The following PTPRN2 variants were observed in gnomAD, a reference collection of about 807,000 sequenced individuals.
The protein encoded by PTPRN2 is protein tyrosine phosphatase receptor type N2, also known as receptor-type tyrosine-protein phosphatase N2.
In PTPRN2, 74 loss-of-function variants were observed where a neutral mutation model predicts 118.8. The observed-to-expected ratio is 0.62, with a 90% CI of 0.52 to 0.76. The LOEUF is 0.76. PTPRN2 is among the 30% of genes least tolerant of loss of function. The probability of loss-of-function intolerance (pLI) is 0.00; values close to 1 mark genes in which losing one functional copy is unlikely to be tolerated. For missense variants in PTPRN2, 1,481 were observed against 1,394.4 expected (o/e 1.06, Z -0.99); for synonymous variants, 641 against 608.0 (o/e 1.05, Z -0.80).
At chr7:158,000,662 C>T (rs1172205104) in intron 11 of PTPRN2, among the ~76,000 whole-genome samples, 2 of 81,536 alleles carry the variant, frequency 2.5e-5, no homozygotes, top group Non-Finnish European at 4.7e-5. Flanking sequence ...GGGCTGGTGT[C>T]CGGCCGCAGG....
At chr7:157,921,391 A>G (rs1798684487) in intron 11 of PTPRN2, among the ~76,000 whole-genome samples, 1 of 152,246 alleles carries the variant, frequency 6.6e-6, no homozygotes, top group Non-Finnish European at 1.5e-5. Flanking sequence ...GTTTGATGCT[A>G]TGATGATGGA....
At chr7:157,997,832 A>AGGAGTGCAGGGGAGT (rs1563313446) in intron 11 of PTPRN2, among the ~76,000 whole-genome samples, 1 of 40,710 alleles carries the variant, frequency 2.5e-5, no homozygotes, top group African/African-American at 7.0e-5. Context: ...TGCACGGGAG[A>AGGAGTGCAGGGGAGT]GGAGTGCAGG....
intron 1 of PTPRN2, among the ~76,000 whole-genome samples, chr7:158,579,264 A>G (rs1828506446): frequency 6.6e-6 from 1 of 152,268 alleles, no homozygotes. Flanking sequence ...TGCTTTTGCA[A>G]TAATCTCTAT....
intron 1 of PTPRN2, among the ~76,000 whole-genome samples, chr7:158,501,819 G>T (rs1035639621): frequency 6.6e-6 from 1 of 152,124 alleles, no homozygotes; most frequent in Non-Finnish European, 1.5e-5. Flanking sequence ...TTTCATTATC[G>T]ATCTACTTAG....
intron 9 of PTPRN2, among the ~76,000 whole-genome samples, chr7:158,116,362 T>C (rs1266762114): frequency 6.6e-6 from 1 of 152,238 alleles, no homozygotes; most frequent in Non-Finnish European, 1.5e-5. Flanking sequence ...ATCTGTCTGA[T>C]GTAACTGATC....
chr7:158,569,337 C>T (rs1827837274), intron 1 of PTPRN2, among the ~76,000 whole-genome samples: 1 of 152,238 alleles, frequency 6.6e-6, no homozygotes, highest in Non-Finnish European at 1.5e-5. Flanking sequence ...GGACTTAATT[C>T]CCAGAACTCA....
chr7:158,502,110 G>A (rs184968405), intron 1 of PTPRN2, among the ~76,000 whole-genome samples: 82 of 152,308 alleles, frequency 5.4e-4, no homozygotes, highest in African/African-American at 1.7e-3. Flanking sequence ...AGAAAAGTGA[G>A]AGAAATTGAT....
At position 158,174,998 on chromosome 7, in the gene PTPRN2, G is replaced by A. The variant is rs533878124; in HGVS notation, c.550-7707C>T. 3.0e-4 allele frequency among the ~76,000 whole-genome samples: 46 copies of A among 152,288 alleles called. No individual in the cohort carries two copies. In the South Asian group the frequency reaches 8.5e-3, roughly 28 times the overall value. ...CCCAGTCCCAAAGGCACAATTATGA[G>A]TTCAGGCTGACAGGAAGGCCTGGAG... On this transcript the variant is annotated intron_variant, in intron 5 of 22. Coordinates refer to ENST00000389418, the MANE Select transcript of PTPRN2 (RefSeq NM_002847.5).
At chr7:157,841,858 C>T (rs1384470169) in intron 12 of PTPRN2, among the ~76,000 whole-genome samples, 4 of 152,172 alleles carry the variant, frequency 2.6e-5, no homozygotes, top group Non-Finnish European at 5.9e-5. Context: ...GCTTTCCTTC[C>T]TGCGGGCCTG....
chr7:158,218,273 T>C (rs1417401015), intron 3 of PTPRN2, among the ~76,000 whole-genome samples: 1 of 152,078 alleles, frequency 6.6e-6, no homozygotes, highest in Non-Finnish European at 1.5e-5. Flanking sequence ...CAGAAGAGAC[T>C]GGGGGCCCTA....
chr7:157,580,184 T>C (rs1369350432), intron 17 of PTPRN2, among the ~76,000 whole-genome samples: 2 of 152,182 alleles, frequency 1.3e-5, no homozygotes, highest in Non-Finnish European at 2.9e-5. Context: ...CTCATTTGGA[T>C]ACAGGATTTT....
chr7:158,468,085 C>G (rs781301361), intron 2 of PTPRN2, among the ~76,000 whole-genome samples: 1 of 152,182 alleles, frequency 6.6e-6, no homozygotes, highest in East Asian at 1.9e-4. Flanking sequence ...TTTTTACAGT[C>G]TTCCTACATC....
chr7:157,913,442 G>A (rs1361749665), intron 11 of PTPRN2, among the ~76,000 whole-genome samples: 5 of 152,162 alleles, frequency 3.3e-5, no homozygotes, highest in African/African-American at 7.2e-5. Flanking sequence ...TCCTACAAAT[G>A]CTTGTAAGGG....
intron 2 of PTPRN2, among the ~76,000 whole-genome samples, chr7:158,373,424 C>T (rs60707273): frequency 0.07 from 10,704 of 152,256 alleles, 452 homozygotes; most frequent in East Asian, 0.19. Flanking sequence ...TTATCTTCAG[C>T]AAGTACAGTT....
intron 3 of PTPRN2, among the ~76,000 whole-genome samples, chr7:158,219,213 C>G (rs1315598071): frequency 1.3e-5 from 2 of 152,182 alleles, no homozygotes; most frequent in South Asian, 2.1e-4. Flanking sequence ...ATCATACCAA[C>G]CACTCTCTTG....
intron 2 of PTPRN2, among the ~76,000 whole-genome samples, chr7:158,463,449 T>TGTTGTCATTA (rs1348078857): frequency 6.6e-6 from 1 of 151,942 alleles, no homozygotes; most frequent in Non-Finnish European, 1.5e-5. Context: ...ATCACCATCA[T>TGTTGTCATTA]GTTGTCATTA....
At chr7:157,775,280 A>G (rs2151035184) in intron 12 of PTPRN2, among the ~76,000 whole-genome samples, 1 of 152,024 alleles carries the variant, frequency 6.6e-6, no homozygotes, top group South Asian at 2.1e-4. Context: ...CTTTAGAGGG[A>G]CAGAAATCCA....
intron 12 of PTPRN2, 102 bp downstream of exon 12, chr7:157,898,571 G>A (rs944535067): frequency 8.2e-7 from 1 of 1,213,656 alleles, no homozygotes. Flanking sequence ...CAGGACCTTG[G>A]CTGAATTAAC....
intron 11 of PTPRN2, among the ~76,000 whole-genome samples, chr7:158,079,256 G>C (rs1263657943): frequency 6.6e-6 from 1 of 152,194 alleles, no homozygotes; most frequent in East Asian, 1.9e-4. Flanking sequence ...CAAGAAGCAA[G>C]AAACATTCTG....
Sources: gnomAD v4.1 joint callset for allele counts (sites outside exome capture counted in the v4.1 genomes callset) on GRCh38, gnomAD v4.1.1 for gene constraint, MANE v1.5 for transcripts, NCBI Gene and HGNC (gene_info 2026-07-23, HGNC 2026-07-21) for gene names.